TBC1D14: variants seen among roughly 807,000 people sequenced by gnomAD.
TBC1D14 encodes the protein TBC1 domain family member 14, also known as TBC1 domain family, member 14.
TBC1D14 carries 26 observed loss-of-function variants against 79.0 expected under a neutral mutation model. The observed-to-expected ratio is 0.33, with a 90% CI of 0.24 to 0.46. TBC1D14 has a LOEUF of 0.46. TBC1D14 is among the 20% of genes least tolerant of loss of function. The pLI is 1.00. For missense variants in TBC1D14, 769 were observed against 887.6 expected, an observed-to-expected ratio of 0.87 and a Z score of 1.70; for synonymous variants, 394 against 349.9, an observed-to-expected ratio of 1.13 and a Z score of -1.40.
At chr4:7,005,314 T>C (rs750431631) in intron 8 of TBC1D14, among the ~76,000 whole-genome samples, 3 of 152,016 alleles carry the variant, frequency 2.0e-5, no homozygotes, top group Non-Finnish European at 4.4e-5. Flanking sequence ...GGCGGGTGGA[T>C]CACAAGGTCA....
At chr4:6,956,593 C>CT (rs912685118) in intron 2 of TBC1D14, among the ~76,000 whole-genome samples, 27 of 152,304 alleles carry the variant, frequency 1.8e-4, no homozygotes, top group African/African-American at 6.5e-4. Context: ...GGCATGATCT[C>CT]TAATTGCAGA....
intron 2 of TBC1D14, among the ~76,000 whole-genome samples, chr4:6,927,621 C>T (rs146942428): frequency 0.011 from 1,667 of 152,282 alleles, 15 homozygotes; most frequent in Middle Eastern, 0.037. Context: ...AGGGTCTCTC[C>T]CACTGGCCGA....
chr4:7,007,123 A>G (rs529411925), intron 9 of TBC1D14, among the ~76,000 whole-genome samples: 2 of 152,164 alleles, frequency 1.3e-5, no homozygotes, highest in African/African-American at 2.4e-5. Context: ...TTCGGCTCAG[A>G]TGAGCCCAGT....
chr4:6,957,964 G>A (rs1714805021), intron 2 of TBC1D14, among the ~76,000 whole-genome samples: 3 of 150,084 alleles, frequency 2.0e-5, no homozygotes, highest in African/African-American at 4.9e-5. Flanking sequence ...TTTTTTATGG[G>A]CTGTTTTTAT....
In TBC1D14 at chr4:6,977,063, TCCTCTCCCTCTC is replaced by T. The variant is rs200174785; in HGVS notation, c.843+9654_843+9665del. ...TCCCTCTCCCTCCTCTCCCTCTCCC[TCCTCTCCCTCTC>T]CCTCTCCCTCTCCCCACTGTCTCCC... is the stretch of plus-strand genomic sequence containing the variant. On this transcript the variant is annotated intron_variant, in intron 3 of 13. Coordinates refer to ENST00000409757, the MANE Select transcript of TBC1D14 (RefSeq NM_020773.3). Among the ~76,000 whole-genome samples the T allele has an allele frequency of 1.3e-3, 18 of 14,046 alleles. 1 individual carries two copies. The highest frequency in any genetic ancestry group is 2.0e-3 in the African/African-American group (16 of 7,858). 9.2% of individuals were successfully genotyped at this position (14,046 alleles called of 152,430 possible).
At chr4:6,960,696 G>A (rs1217888911) in intron 2 of TBC1D14, among the ~76,000 whole-genome samples, 1 of 152,160 alleles carries the variant, frequency 6.6e-6, no homozygotes, top group African/African-American at 2.4e-5. Context: ...CACCTTTGGC[G>A]TGTCCAGTGG....
intron 3 of TBC1D14, among the ~76,000 whole-genome samples, chr4:6,986,629 G>C (rs1221647193): frequency 6.6e-6 from 1 of 152,194 alleles, no homozygotes; most frequent in Non-Finnish European, 1.5e-5. Context: ...TCAGCCCTGG[G>C]ACCTGGGGCC....
At chr4:6,915,693 G>A (rs868778343) in intron 1 of TBC1D14, among the ~76,000 whole-genome samples, 1 of 152,134 alleles carries the variant, frequency 6.6e-6, no homozygotes, top group African/African-American at 2.4e-5. Flanking sequence ...TTGCCATCCT[G>A]CGGTGCTGCT....
intron 2 of TBC1D14, among the ~76,000 whole-genome samples, chr4:6,948,446 G>A (rs1325461810): frequency 2.6e-5 from 4 of 152,108 alleles, no homozygotes; most frequent in Admixed American, 6.6e-5. Flanking sequence ...TCTAGTTTTC[G>A]GCTGTATGGG....
intron 7 of TBC1D14, among the ~76,000 whole-genome samples, chr4:7,002,970 G>C (rs949697803): frequency 6.6e-6 from 1 of 152,176 alleles, no homozygotes; most frequent in African/African-American, 2.4e-5. Flanking sequence ...GTGGGGCCAG[G>C]ACTCTGATCC....
At chr4:6,978,412 C>T (rs1002203682) in intron 3 of TBC1D14, among the ~76,000 whole-genome samples, 14 of 150,456 alleles carry the variant, frequency 9.3e-5, no homozygotes, top group Non-Finnish European at 1.8e-4. Context: ...ATTCTTCTGC[C>T]TTGGGATCCT....
chr4:6,939,574 T>C (rs1712704794), intron 2 of TBC1D14, among the ~76,000 whole-genome samples: 1 of 152,162 alleles, frequency 6.6e-6, no homozygotes, highest in East Asian at 1.9e-4. Flanking sequence ...GGGGATGTAG[T>C]GGTCAGCATA....
chr4:6,923,447 G>T lies in TBC1D14; in HGVS notation c.58G>T (p.Asp20Tyr), dbSNP rs1047692478. The stretch of plus-strand genomic sequence containing the variant: ...TGGCGTAGCCTTCATGGGTATTCTG[G>T]ATGGTCGACCAGGAAACCCCCTTCA... ...TNGVAFMGIL[D>Y]GRPGNPLQNL... The change falls in exon 2 of 14, where the codon GAT becomes TAT. Residue 20 changes from aspartate to tyrosine, a missense_variant. This residue lies in a region of TBC1D14 where 402 missense variants were observed against 393.2 expected (regional missense o/e 1.02). Coordinates refer to ENST00000409757, the MANE Select transcript of TBC1D14 (RefSeq NM_020773.3). 1.2e-6 allele frequency: 2 copies of T among 1,614,114 alleles called. No individual in the cohort carries two copies. The highest frequency in any genetic ancestry group is 8.5e-7 in the Non-Finnish European group (1 of 1,180,026).
At chr4:7,004,727 G>A (rs1720004673) in intron 7 of TBC1D14, 117 bp from the exon 8 acceptor site, 1 of 832,040 alleles carries the variant, frequency 1.2e-6, no homozygotes, top group Non-Finnish European at 2.0e-6. Flanking sequence ...TGTTAAGTAT[G>A]CATTAAGCCT....
chr4:7,013,205 A>G (rs1720941716), intron 11 of TBC1D14, among the ~76,000 whole-genome samples: 1 of 152,070 alleles, frequency 6.6e-6, no homozygotes, highest in Non-Finnish European at 1.5e-5. Flanking sequence ...CTGCTGGGGG[A>G]TGTCCTGTGC....
intron 1 of TBC1D14, among the ~76,000 whole-genome samples, chr4:6,914,312 T>C (rs1356936993): frequency 1.3e-5 from 2 of 152,230 alleles, no homozygotes; most frequent in Non-Finnish European, 1.5e-5. Context: ...AGCATTGTGT[T>C]AAGTTCCAGG....
chr4:6,965,385 C>G (rs1398051268), intron 2 of TBC1D14, among the ~76,000 whole-genome samples: 1 of 152,112 alleles, frequency 6.6e-6, no homozygotes, highest in Non-Finnish European at 1.5e-5. Context: ...ATGACATTGA[C>G]ATTTTGAGAG....
intron 7 of TBC1D14, chr4:7,001,563 G>A: frequency 3.3e-6 from 1 of 299,426 alleles, no homozygotes; most frequent in Non-Finnish European, 6.4e-6. Context: ...CCTGCGACGT[G>A]AGTGTGGAAG....
At chr4:7,010,026 C>A in intron 10 of TBC1D14, 78 bp downstream of exon 10, 1 of 1,516,956 alleles carries the variant, frequency 6.6e-7, no homozygotes, top group Non-Finnish European at 9.1e-7. Flanking sequence ...GTGTTAGCTG[C>A]AAATGTCATG....
Sources: gnomAD v4.1 joint callset for allele counts (sites outside exome capture counted in the v4.1 genomes callset) on GRCh38, gnomAD v4.1.1 for gene constraint, gnomAD v4.1.1 regional missense constraint, MANE v1.5 for transcripts, NCBI Gene and HGNC (gene_info 2026-07-23, HGNC 2026-07-21) for gene names.